Variants in CIROZ observed in about 807,000 individuals in gnomAD.
CIROZ encodes ciliated left-right organizer ZP-N domains-containing protein.
the CIROZ span, among the ~76,000 whole-genome samples, chr1:10,971,711 C>G: frequency 2.6e-5 from 4 of 152,122 alleles, no homozygotes; most frequent in South Asian, 6.2e-4. Context: ...TATACTTCTA[C>G]TCGAGTGAGG....
At chr1:10,958,941 G>A in the CIROZ span, among the ~76,000 whole-genome samples, 3 of 152,122 alleles carry the variant, frequency 2.0e-5, no homozygotes, top group Non-Finnish European at 2.9e-5. Context: ...GTCAACAGAC[G>A]CAGGGAAATG....
chr1:10,976,509 G>A, the CIROZ span, among the ~76,000 whole-genome samples: 2 of 151,718 alleles, frequency 1.3e-5, no homozygotes, highest in Admixed American at 6.6e-5. Context: ...ATGCCACCAC[G>A]CCCGGCTAAT....
the CIROZ span, chr1:10,957,615 C>A: frequency 6.2e-7 from 1 of 1,614,014 alleles, no homozygotes; most frequent in Non-Finnish European, 8.5e-7. Flanking sequence ...CCACCACTGA[C>A]CTCCCACCTC....
chr1:10,949,223 C>CAA, the CIROZ span: 252 of 146,892 alleles, frequency 1.7e-3, no homozygotes, highest in Middle Eastern at 8.6e-3. Context: ...GACCCCATCT[C>CAA]AAAAAAAAAA....
the CIROZ span, chr1:10,957,817 G>A: frequency 6.5e-7 from 1 of 1,537,992 alleles, no homozygotes; most frequent in Non-Finnish European, 8.8e-7. Flanking sequence ...AGGGGTTACG[G>A]AGAGGGGACA....
chr1:10,947,001 C>T, the CIROZ span, among the ~76,000 whole-genome samples: 3 of 152,196 alleles, frequency 2.0e-5, no homozygotes, highest in African/African-American at 4.8e-5. Context: ...GAATGATCGC[C>T]GTAAGAATGG....
the CIROZ span, among the ~76,000 whole-genome samples, chr1:10,958,306 G>A: frequency 6.6e-6 from 1 of 152,210 alleles, no homozygotes; most frequent in Non-Finnish European, 1.5e-5. Flanking sequence ...CCTTCGGGGA[G>A]GCTGCGGGAA....
the CIROZ span, among the ~76,000 whole-genome samples, chr1:10,951,453 CT>C: frequency 0.018 from 2,708 of 151,308 alleles, 92 homozygotes; most frequent in African/African-American, 0.062. Flanking sequence ...ATCCCAGCTA[CT>C]CGGGAGGCTG....
chr1:10,969,079 G>A, the CIROZ span, among the ~76,000 whole-genome samples: 1 of 152,148 alleles, frequency 6.6e-6, no homozygotes, highest in Non-Finnish European at 1.5e-5. Flanking sequence ...GCCCTCCCAG[G>A]GCAGATTTAG....
chr1:10,975,629 G>A, the CIROZ span, among the ~76,000 whole-genome samples: 1 of 151,354 alleles, frequency 6.6e-6, no homozygotes, highest in African/African-American at 2.4e-5. Flanking sequence ...GATGATGCAT[G>A]TGAACCCTCA....
At chr1:10,970,594 A>C in the CIROZ span, among the ~76,000 whole-genome samples, 2 of 152,000 alleles carry the variant, frequency 1.3e-5, no homozygotes, top group South Asian at 4.1e-4. Flanking sequence ...ACACCACTGC[A>C]CTCCAGCCTG....
At chr1:10,975,585 T>C in the CIROZ span, among the ~76,000 whole-genome samples, 2 of 145,166 alleles carry the variant, frequency 1.4e-5, no homozygotes, top group African/African-American at 5.1e-5. Flanking sequence ...CGAGACTCTG[T>C]CTCAGAAAAA....
the CIROZ span, chr1:10,946,843 A>ATGGCG: frequency 1.3e-5 from 2 of 152,196 alleles, no homozygotes; most frequent in Non-Finnish European, 2.9e-5. Context: ...AGGTCATGGC[A>ATGGCG]CCCCAAGGCC....
chr1:10,957,620 C>T, the CIROZ span: 1 of 1,614,094 alleles, frequency 6.2e-7, no homozygotes, highest in Non-Finnish European at 8.5e-7. Context: ...ACTGACCTCC[C>T]ACCTCTGAAG....
chr1:10,947,775 GC>G, the CIROZ span: 6 of 1,597,332 alleles, frequency 3.8e-6, no homozygotes, highest in South Asian at 2.2e-5. Context: ...CTGGAGTGAG[GC>G]CCCCCGGCCA....
chr1:10,963,969 T>A, the CIROZ span, among the ~76,000 whole-genome samples: 1 of 152,074 alleles, frequency 6.6e-6, no homozygotes, highest in Non-Finnish European at 1.5e-5. Flanking sequence ...TACCCAGGGA[T>A]GTCTAGGAGA....
the CIROZ span, chr1:10,946,793 G>A: frequency 0.087 from 13,252 of 152,256 alleles, 768 homozygotes; most frequent in Non-Finnish European, 0.12. Context: ...ACGAAGCAGT[G>A]GCATCCCATT....
At chr1:10,947,696 A>G in the CIROZ span, 4 of 1,527,088 alleles carry the variant, frequency 2.6e-6, no homozygotes, top group Admixed American at 4.3e-5. Context: ...GCCCCTCCAC[A>G]CTGTCTTGAA....
the CIROZ span, among the ~76,000 whole-genome samples, chr1:10,965,316 G>A: frequency 6.6e-6 from 1 of 152,132 alleles, no homozygotes; most frequent in East Asian, 1.9e-4. Flanking sequence ...GTCAAGGAAG[G>A]GAGCACAAAG....
Sources: allele counts gnomAD v4.1 joint callset (sites outside exome capture counted in the v4.1 genomes callset), GRCh38; gene constraint gnomAD v4.1.1; transcripts MANE v1.5; gene names NCBI Gene and HGNC (gene_info 2026-07-23, HGNC 2026-07-21).